Variants in ZFPM2 observed in about 807,000 individuals in gnomAD.
ZFPM2 encodes zinc finger protein, FOG family member 2, also known as zinc finger protein ZFPM2.
ZFPM2 carries 20 observed loss-of-function variants against 98.6 expected under a neutral mutation model. The observed-to-expected ratio is 0.20, with a 90% CI of 0.14 to 0.29. ZFPM2 has a LOEUF of 0.29. ZFPM2 is among the 10% of genes least tolerant of loss of function. The probability of loss-of-function intolerance (pLI) is 1.00; values close to 1 mark genes in which losing one functional copy is unlikely to be tolerated. For synonymous variants in ZFPM2, 518 were observed against 502.7 expected (o/e 1.03, Z -0.41); for missense variants, 1,310 against 1,388.6 (o/e 0.94, Z 0.90).
chr8:105,545,713 A>C (rs934257692), intron 3 of ZFPM2, among the ~76,000 whole-genome samples: 12 of 152,208 alleles, frequency 7.9e-5, no homozygotes, highest in Non-Finnish European at 1.5e-5. Flanking sequence ...GTACTTAGTA[A>C]ATGCTGTAAG....
chr8:105,527,248 G>A (rs1473063670), intron 3 of ZFPM2, among the ~76,000 whole-genome samples: 5 of 152,084 alleles, frequency 3.3e-5, no homozygotes, highest in Non-Finnish European at 1.5e-5. Context: ...TTCAATCTGT[G>A]AACTCTCAAG....
chr8:105,799,573 A>G (rs1291613464), intron 7 of ZFPM2, among the ~76,000 whole-genome samples: 4 of 152,224 alleles, frequency 2.6e-5, no homozygotes, highest in Admixed American at 1.3e-4. Context: ...GGCCCTCTCA[A>G]TAGCAAGGTG....
At chr8:105,800,797 A>G (rs1463442519) in intron 7 of ZFPM2, among the ~76,000 whole-genome samples, 2 of 152,192 alleles carry the variant, frequency 1.3e-5, no homozygotes, top group African/African-American at 4.8e-5. Flanking sequence ...CATCTATAAA[A>G]TGGAGACACT....
intron 1 of ZFPM2, among the ~76,000 whole-genome samples, chr8:105,406,861 G>C: frequency 6.6e-6 from 1 of 151,936 alleles, no homozygotes; most frequent in South Asian, 2.1e-4. Flanking sequence ...GCAATAGTAG[G>C]CACCATAATA....
intron 4 of ZFPM2, among the ~76,000 whole-genome samples, chr8:105,579,196 G>A (rs1341162692): frequency 2.0e-5 from 3 of 151,978 alleles, no homozygotes; most frequent in African/African-American, 7.3e-5. Context: ...TAACATTTCT[G>A]GATCTGATTT....
chr8:105,442,037 G>A (rs1812261778), intron 2 of ZFPM2, among the ~76,000 whole-genome samples: 1 of 152,034 alleles, frequency 6.6e-6, no homozygotes, highest in Non-Finnish European at 1.5e-5. Flanking sequence ...TTAAAAATTT[G>A]TTTTGAAAAC....
intron 3 of ZFPM2, among the ~76,000 whole-genome samples, chr8:105,490,139 C>T (rs1379561521): frequency 2.6e-5 from 4 of 151,930 alleles, no homozygotes; most frequent in Non-Finnish European, 4.4e-5. Flanking sequence ...CCCAGCTACT[C>T]AGGAGGCTGA....
chr8:105,733,571 G>C (rs1209853680), intron 5 of ZFPM2, among the ~76,000 whole-genome samples: 7 of 151,806 alleles, frequency 4.6e-5, no homozygotes. Context: ...GTGATTAACA[G>C]ATTTTTGTAC....
At chr8:105,619,657 A>C (rs1296265131) in intron 4 of ZFPM2, among the ~76,000 whole-genome samples, 1 of 152,000 alleles carries the variant, frequency 6.6e-6, no homozygotes, top group Non-Finnish European at 1.5e-5. Flanking sequence ...TACATTAGGT[A>C]TATCTCCTAA....
intron 3 of ZFPM2, among the ~76,000 whole-genome samples, chr8:105,483,940 T>C (rs765208771): frequency 6.6e-6 from 1 of 151,874 alleles, no homozygotes; most frequent in Non-Finnish European, 1.5e-5. Flanking sequence ...TTCACCGTGT[T>C]ATCCAGGATG....
chr8:105,464,721 C>T (rs1385885243), intron 3 of ZFPM2, among the ~76,000 whole-genome samples: 1 of 151,624 alleles, frequency 6.6e-6, no homozygotes, highest in African/African-American at 2.4e-5. Context: ...GCTGATTGAA[C>T]GCCCTCAAGC....
intron 4 of ZFPM2, among the ~76,000 whole-genome samples, chr8:105,572,033 CTTTTT>C (rs869198147): frequency 1.2e-4 from 12 of 103,372 alleles, no homozygotes; most frequent in African/African-American, 3.3e-4. Flanking sequence ...GGGTAAATTT[CTTTTT>C]TTTTTTTTTT....
chr8:105,406,513 C>T (rs1199377854), intron 1 of ZFPM2, among the ~76,000 whole-genome samples: 1 of 152,004 alleles, frequency 6.6e-6, no homozygotes, highest in Non-Finnish European at 1.5e-5. Flanking sequence ...TAGAAGAAAA[C>T]CTAGGCATTA....
chr8:105,386,949 T>G (rs1811004417), intron 1 of ZFPM2, among the ~76,000 whole-genome samples: 2 of 152,176 alleles, frequency 1.3e-5, no homozygotes. Context: ...GAGTGTTGAT[T>G]GGTGCATTCA....
chr8:105,415,974 A>G (rs1337722343), intron 1 of ZFPM2, among the ~76,000 whole-genome samples: 1 of 152,014 alleles, frequency 6.6e-6, no homozygotes, highest in Non-Finnish European at 1.5e-5. Flanking sequence ...AGTATTGTTC[A>G]CCTTTTATTT....
intron 1 of ZFPM2, among the ~76,000 whole-genome samples, chr8:105,400,649 TGGTATATATTTA>T (rs1015869645): frequency 1.1e-4 from 17 of 152,330 alleles, no homozygotes; most frequent in African/African-American, 3.8e-4. Flanking sequence ...TATGCACTTT[TGGTATATATTTA>T]GGTATATATT....
intron 5 of ZFPM2, among the ~76,000 whole-genome samples, chr8:105,763,489 G>A (rs1249945267): frequency 6.6e-6 from 1 of 151,854 alleles, no homozygotes; most frequent in Non-Finnish European, 1.5e-5. Context: ...CCAGGAAAGA[G>A]TTCTTGCCAT....
intron 3 of ZFPM2, among the ~76,000 whole-genome samples, chr8:105,527,387 G>C (rs1280070467): frequency 1.3e-5 from 2 of 152,204 alleles, no homozygotes; most frequent in East Asian, 3.8e-4. Context: ...CAGAGCGAAA[G>C]AGCAAAGTTC....
chr8:105,598,449 T>A (rs1378311943), intron 4 of ZFPM2, among the ~76,000 whole-genome samples: 1 of 152,158 alleles, frequency 6.6e-6, no homozygotes, highest in East Asian at 1.9e-4. Flanking sequence ...CAAATGATAA[T>A]CACCATCTCT....
Sources: allele counts gnomAD v4.1 joint callset (sites outside exome capture counted in the v4.1 genomes callset), GRCh38; gene constraint gnomAD v4.1.1; transcripts MANE v1.5; gene names NCBI Gene and HGNC (gene_info 2026-07-23, HGNC 2026-07-21).